Variants in LRRIQ1 observed in about 807,000 individuals in gnomAD.
The protein encoded by LRRIQ1 is leucine-rich repeat- and IQ domain-containing protein 1.
Under a neutral mutation model 211.9 loss-of-function variants are expected in LRRIQ1, and 210 were observed. The ratio of observed to expected loss-of-function variants is 0.99; its 90% confidence interval spans 0.89 to 1.11. The LOEUF is 1.11. Ranked by LOEUF, LRRIQ1 falls within the 50% of genes most tolerant of loss-of-function variation. The pLI is 0.00. For missense variants in LRRIQ1, 2,136 were observed against 1,939.5 expected, an observed-to-expected ratio of 1.10 and a Z score of -1.90; for synonymous variants, 699 against 650.1, an observed-to-expected ratio of 1.08 and a Z score of -1.14.
chr12:85,129,091 G>A (rs1888579124), intron 18 of LRRIQ1, among the ~76,000 whole-genome samples: 1 of 152,094 alleles, frequency 6.6e-6, no homozygotes, highest in Non-Finnish European at 1.5e-5. Flanking sequence ...ACCACTGGCG[G>A]TACCTTACCA....
chr12:85,215,179 A>G (rs780228575), intron 24 of LRRIQ1, among the ~76,000 whole-genome samples: 1 of 152,194 alleles, frequency 6.6e-6, no homozygotes, highest in Non-Finnish European at 1.5e-5. Context: ...ACAAGAACCA[A>G]TGAAACTCAT....
intron 24 of LRRIQ1, among the ~76,000 whole-genome samples, chr12:85,192,251 A>C (rs938119973): frequency 1.3e-5 from 2 of 150,304 alleles, no homozygotes; most frequent in African/African-American, 4.9e-5. Context: ...CATGAGAACA[A>C]GTGGTATTTC....
chr12:85,205,788 G>A (rs909474354), intron 24 of LRRIQ1, among the ~76,000 whole-genome samples: 2 of 152,102 alleles, frequency 1.3e-5, no homozygotes, highest in African/African-American at 4.8e-5. Flanking sequence ...TGGAGGTTTT[G>A]TTCATTCTTC....
chr12:85,165,472 T>A (rs1190846761), intron 24 of LRRIQ1, among the ~76,000 whole-genome samples: 2 of 144,084 alleles, frequency 1.4e-5, no homozygotes, highest in South Asian at 4.6e-4. Flanking sequence ...TCTTACTTTT[T>A]TTTTTTTTTT....
chr12:85,173,012 G>A (rs964900146), intron 24 of LRRIQ1, among the ~76,000 whole-genome samples: 2 of 152,056 alleles, frequency 1.3e-5, no homozygotes, highest in South Asian at 2.1e-4. Flanking sequence ...GGGAGGCTGA[G>A]GTAGGAGAAT....
chr12:85,156,585 T>G (rs1367808024), intron 23 of LRRIQ1, among the ~76,000 whole-genome samples: 2 of 151,868 alleles, frequency 1.3e-5, no homozygotes, highest in Non-Finnish European at 2.9e-5. Context: ...TTAACTTACT[T>G]GCATCTGTCT....
At chr12:85,263,957 G>A (rs1284725332) in exon 2 of LRRIQ1, 1 of 151,950 alleles carries the variant, frequency 6.6e-6, no homozygotes, top group South Asian at 2.1e-4. Context: ...TCATTGAGCT[G>A]TTACTCTCCC....
intron 13 of LRRIQ1, among the ~76,000 whole-genome samples, chr12:85,100,529 A>T (rs563874739): frequency 1.7e-3 from 251 of 151,864 alleles, no homozygotes; most frequent in Non-Finnish European, 3.0e-3. Flanking sequence ...AAAATGAGTA[A>T]TGTATGTTCT....
intron 24 of LRRIQ1, among the ~76,000 whole-genome samples, chr12:85,217,680 G>GTATATATGTATATATGTGTATATATGTA (rs1894205878): frequency 7.0e-6 from 1 of 142,706 alleles, no homozygotes; most frequent in African/African-American, 2.7e-5. Context: ...GTGTATATAT[G>GTATATATGTATATATGTGTATATATGTA]TATATATGTG....
At chr12:85,079,242 ATCTT>A (rs1884008474) in intron 11 of LRRIQ1, among the ~76,000 whole-genome samples, 1 of 132,020 alleles carries the variant, frequency 7.6e-6, no homozygotes, top group Non-Finnish European at 1.6e-5. Flanking sequence ...ATGTATCTTT[ATCTT>A]TTTTTTTTTT....
intron 20 of LRRIQ1, 81 bp downstream of exon 20, chr12:85,152,450 C>A: frequency 2.0e-6 from 2 of 997,028 alleles, no homozygotes; most frequent in Non-Finnish European, 2.9e-6. Context: ...ATTAATAATA[C>A]AATTTATTGA....
chr12:85,223,084 T>A (rs1894477413), intron 24 of LRRIQ1, among the ~76,000 whole-genome samples: 2 of 152,032 alleles, frequency 1.3e-5, no homozygotes, highest in Non-Finnish European at 2.9e-5. Context: ...CATACTTTAG[T>A]AGGATGATGA....
At position 85,262,678 on chromosome 12, in the gene LRRIQ1, A is replaced by G. The variant is rs144536209; in HGVS notation, c.122-237A>G. ...TCTGTTGATAGAAGGAAACCATTATATCTATTTAATATTTTTAGTACCCTC... is the reference window on the plus strand; with the variant it reads ...TCTGTTGATAGAAGGAAACCATTATGTCTATTTAATATTTTTAGTACCCTC... On this transcript the variant is annotated intron_variant, in intron 1 of 1. Coordinates refer to the LRRIQ1 transcript ENST00000602731. Among the ~76,000 whole-genome samples the G allele has an allele frequency of 5.6e-3, 854 of 152,238 alleles. 5 individuals are homozygous for G. The highest frequency in any genetic ancestry group is 8.6e-3 in the Non-Finnish European group (586 of 68,002).
chr12:85,166,316 T>C (rs955319988), intron 24 of LRRIQ1, among the ~76,000 whole-genome samples: 1 of 152,194 alleles, frequency 6.6e-6, no homozygotes, highest in Admixed American at 6.5e-5. Context: ...TTGTACTCGA[T>C]TTCAAGTCAG....
chr12:85,243,699 T>C (rs982851906), intron 26 of LRRIQ1, among the ~76,000 whole-genome samples: 1 of 151,504 alleles, frequency 6.6e-6, no homozygotes, highest in African/African-American at 2.4e-5. Flanking sequence ...AGGGAAAATA[T>C]AAATAAATTT....
chr12:85,109,544 C>T (rs902432823), intron 15 of LRRIQ1, among the ~76,000 whole-genome samples: 2 of 151,990 alleles, frequency 1.3e-5, no homozygotes, highest in African/African-American at 2.4e-5. Context: ...TCCAAGTGTA[C>T]GTTAAGCTGT....
chr12:85,214,454 A>G (rs1329159960), intron 24 of LRRIQ1, among the ~76,000 whole-genome samples: 2 of 152,148 alleles, frequency 1.3e-5, no homozygotes, highest in Non-Finnish European at 2.9e-5. Flanking sequence ...AACTTATTAT[A>G]AAACTGCATC....
At chr12:85,265,329 G>T (rs954841658), downstream of LRRIQ1, among the ~76,000 whole-genome samples, 6 of 151,832 alleles carry the variant, frequency 4.0e-5, no homozygotes, top group African/African-American at 1.5e-4. Context: ...TTTTATGACT[G>T]CACTGAGAGC....
intron 24 of LRRIQ1, among the ~76,000 whole-genome samples, chr12:85,172,831 G>A (rs867132728): frequency 1.3e-5 from 2 of 151,984 alleles, no homozygotes; most frequent in East Asian, 1.9e-4. Flanking sequence ...TATATTGGCC[G>A]GGTGCAGCAG....
Sources: gnomAD v4.1 joint callset for allele counts (sites outside exome capture counted in the v4.1 genomes callset) on GRCh38, gnomAD v4.1.1 for gene constraint, MANE v1.5 for transcripts, NCBI Gene and HGNC (gene_info 2026-07-23, HGNC 2026-07-21) for gene names.